SPMIP4: variants seen among roughly 807,000 people sequenced by gnomAD.
SPMIP4 encodes the protein sperm microtubule inner protein 4, also known as sperm-associated microtubule inner protein 4.
the SPMIP4 span, among the ~76,000 whole-genome samples, chr7:25,139,657 A>C: frequency 2.0e-5 from 3 of 152,334 alleles, no homozygotes; most frequent in African/African-American, 7.2e-5. Flanking sequence ...GCCTTTAGCT[A>C]ATCAAGTTTG....
At chr7:25,168,382 G>C in the SPMIP4 span, 2 of 1,613,394 alleles carry the variant, frequency 1.2e-6, no homozygotes, top group Non-Finnish European at 1.7e-6. Context: ...CTCGGGGAGT[G>C]AAATCGGTAT....
chr7:25,171,093 T>C, the SPMIP4 span, among the ~76,000 whole-genome samples: 1 of 152,246 alleles, frequency 6.6e-6, no homozygotes, highest in Admixed American at 6.5e-5. Context: ...GCTAAAGTTT[T>C]AGAAGCACTA....
At chr7:25,141,709 TA>T in the SPMIP4 span, among the ~76,000 whole-genome samples, 982 of 149,492 alleles carry the variant, frequency 6.6e-3, 7 homozygotes, top group African/African-American at 0.018. Flanking sequence ...GAAAATCTGT[TA>T]AAAAAAAAAA....
chr7:25,172,376 G>A, the SPMIP4 span, among the ~76,000 whole-genome samples: 9 of 152,260 alleles, frequency 5.9e-5, no homozygotes, highest in East Asian at 1.7e-3. The surrounding 1 kb of genome is among the most constrained non-coding windows in gnomAD (Gnocchi z 4.2). Context: ...AGGCTACTGG[G>A]GACTGCACTG....
the SPMIP4 span, chr7:25,179,163 T>A: frequency 6.3e-7 from 1 of 1,581,454 alleles, no homozygotes; most frequent in Non-Finnish European, 8.6e-7. Flanking sequence ...CTTTTTCTAG[T>A]TTTTGTTTTA....
At chr7:25,169,019 C>T in the SPMIP4 span, among the ~76,000 whole-genome samples, 1 of 151,680 alleles carries the variant, frequency 6.6e-6, no homozygotes, top group African/African-American at 2.4e-5. Flanking sequence ...TGAGCCACTG[C>T]ATCTGCCCAT....
chr7:25,128,672 C>G, the SPMIP4 span, among the ~76,000 whole-genome samples: 2 of 152,180 alleles, frequency 1.3e-5, no homozygotes, highest in Non-Finnish European at 2.9e-5. The surrounding 1 kb of genome is among the most constrained non-coding windows in gnomAD (Gnocchi z 4.5). Context: ...ACTCCAGGAG[C>G]CTGCTTGGTG....
chr7:25,172,214 G>A, the SPMIP4 span, among the ~76,000 whole-genome samples: 1 of 152,204 alleles, frequency 6.6e-6, no homozygotes, highest in Non-Finnish European at 1.5e-5. The surrounding 1 kb of genome is among the most constrained non-coding windows in gnomAD (Gnocchi z 4.2). Flanking sequence ...CAGAGACTCT[G>A]AAAGTATGGG....
At chr7:25,136,329 A>G in the SPMIP4 span, 1 of 1,614,166 alleles carries the variant, frequency 6.2e-7, no homozygotes, top group Non-Finnish European at 8.5e-7. The surrounding 1 kb of genome is among the most constrained non-coding windows in gnomAD (Gnocchi z 5.7). Flanking sequence ...TATACTGATC[A>G]CGTAGGGGAG....
chr7:25,155,133 G>A, the SPMIP4 span: 2 of 1,612,640 alleles, frequency 1.2e-6, no homozygotes, highest in African/African-American at 1.3e-5. Context: ...GGGGAACATG[G>A]CGCCGCGACA....
chr7:25,173,721 T>A, the SPMIP4 span, among the ~76,000 whole-genome samples: 2 of 152,310 alleles, frequency 1.3e-5, no homozygotes, highest in South Asian at 2.1e-4. The surrounding 1 kb of genome is among the most constrained non-coding windows in gnomAD (Gnocchi z 4.4). Flanking sequence ...AGCTTTAATA[T>A]CTAAGTTTGT....
the SPMIP4 span, chr7:25,136,418 A>G: frequency 2.5e-6 from 4 of 1,614,174 alleles, no homozygotes; most frequent in Non-Finnish European, 2.5e-6. The surrounding 1 kb of genome is among the most constrained non-coding windows in gnomAD (Gnocchi z 5.7). Flanking sequence ...TGCTGTCTCC[A>G]GTATAAATCT....
At chr7:25,166,229 T>C in the SPMIP4 span, among the ~76,000 whole-genome samples, 1 of 60,084 alleles carries the variant, frequency 1.7e-5, no homozygotes, top group Admixed American at 1.5e-4. Context: ...TTTCTTTCCG[T>C]CTTCTTTTTT....
the SPMIP4 span, among the ~76,000 whole-genome samples, chr7:25,156,303 T>C: frequency 6.6e-6 from 1 of 152,144 alleles, no homozygotes; most frequent in Admixed American, 6.6e-5. Flanking sequence ...GAACCAACCC[T>C]GCTGAGGTCT....
chr7:25,135,002 C>G, the SPMIP4 span: 7 of 864,532 alleles, frequency 8.1e-6, no homozygotes, highest in Non-Finnish European at 9.7e-6. Context: ...AGGTTACAAC[C>G]AAATGACATG....
the SPMIP4 span, among the ~76,000 whole-genome samples, chr7:25,159,989 GAAAA>G: frequency 4.1e-5 from 6 of 147,788 alleles, no homozygotes; most frequent in Non-Finnish European, 9.0e-5. Context: ...GATTCGAAAT[GAAAA>G]AAAAAAATAA....
At chr7:25,131,210 T>C in the SPMIP4 span, among the ~76,000 whole-genome samples, 1 of 152,372 alleles carries the variant, frequency 6.6e-6, no homozygotes, top group South Asian at 2.1e-4. The surrounding 1 kb of genome is among the most constrained non-coding windows in gnomAD (Gnocchi z 4.2). Context: ...CCTGATGATC[T>C]GTCACTATCT....
chr7:25,159,736 T>C, the SPMIP4 span, among the ~76,000 whole-genome samples: 1 of 152,178 alleles, frequency 6.6e-6, no homozygotes, highest in Non-Finnish European at 1.5e-5. Flanking sequence ...ACTCTAAATC[T>C]GTGGGCACGA....
At chr7:25,144,566 A>G in the SPMIP4 span, among the ~76,000 whole-genome samples, 1 of 152,244 alleles carries the variant, frequency 6.6e-6, no homozygotes, top group Non-Finnish European at 1.5e-5. Flanking sequence ...GACCCTAAGA[A>G]GGGCCTAGGA....
Sources: gnomAD v4.1 joint callset for allele counts (sites outside exome capture counted in the v4.1 genomes callset) on GRCh38, gnomAD v4.1.1 for gene constraint, Gnocchi (gnomAD v3.1) non-coding constraint, MANE v1.5 for transcripts, NCBI Gene and HGNC (gene_info 2026-07-23, HGNC 2026-07-21) for gene names.